RNF220: variants seen among roughly 807,000 people sequenced by gnomAD.
RNF220 encodes the protein ring finger protein 220, also known as E3 ubiquitin-protein ligase RNF220.
In RNF220, 7 loss-of-function variants were observed where a neutral mutation model predicts 67.1. The observed-to-expected ratio is 0.10, with a 90% CI of 0.06 to 0.20. The LOEUF is 0.20. Ranked by LOEUF, RNF220 falls within the 10% of genes least tolerant of loss-of-function variation. The probability of loss-of-function intolerance (pLI) is 1.00; values close to 1 mark genes in which losing one functional copy is unlikely to be tolerated. For synonymous variants in RNF220, 270 were observed against 283.2 expected, an observed-to-expected ratio of 0.95 and a Z score of 0.47; for missense variants, 565 against 740.3, an observed-to-expected ratio of 0.76 and a Z score of 2.75.
chr1:44,493,454 C>T (rs1007570042), intron 2 of RNF220, among the ~76,000 whole-genome samples: 1 of 151,904 alleles, frequency 6.6e-6, no homozygotes, highest in East Asian at 1.9e-4. Flanking sequence ...GTGGAGGTTG[C>T]GGTGAGCCAA....
At position 44,651,288 on chromosome 1, in the gene RNF220, C is replaced by T. The variant is rs1644780680; in HGVS notation, c.*513C>T. ...CGCCTCCTTCAGGGTTGGCTGGGAG[C>T]TCGGCCCATCCACCTCTTGGGGTAC... On this transcript the variant is annotated 3_prime_UTR_variant, in exon 15 of 15. Transcript: ENST00000361799. The T allele has an allele frequency of 1.1e-5, 2 of 178,566 alleles. No homozygotes were observed. The highest frequency in any genetic ancestry group is 1.1e-4 in the Admixed American group (2 of 18,640). The allele number at this position is 178,566 out of a possible 1,614,324, so 11.1% of individuals were successfully genotyped here. A position where few individuals can be genotyped will look rare whatever the true frequency, so the allele number is the denominator to read the frequency against.
intron 2 of RNF220, among the ~76,000 whole-genome samples, chr1:44,496,827 T>C (rs1039365913): frequency 2.0e-5 from 3 of 152,136 alleles, no homozygotes; most frequent in African/African-American, 4.8e-5. Flanking sequence ...GCCAGCTCAC[T>C]TGGGGATGTG....
rs532760152 is a variant in RNF220 at position 44,619,613 on chromosome 1, G to A, written c.759-3129G>A. ...CCATGAATATTGTACTTAGGAATGC[G>A]TTTCCTGGGTCCCAGTTATAATTTA... On this transcript the variant is annotated intron_variant, in intron 3 of 14. Transcript: ENST00000361799. Among the ~76,000 whole-genome samples, 31 of 152,316 alleles carry A rather than the reference G, an allele frequency of 2.0e-4. 1 individual carries two copies. The East Asian group carries it at 6.0e-3, about 29-fold the overall frequency.
At chr1:44,554,186 G>A (rs1053624073) in intron 2 of RNF220, among the ~76,000 whole-genome samples, 3 of 152,188 alleles carry the variant, frequency 2.0e-5, no homozygotes, top group African/African-American at 4.8e-5. Context: ...CCTGCCCCCA[G>A]GAATGGAGGA....
chr1:44,428,895 T>C (rs1650065001), intron 2 of RNF220, among the ~76,000 whole-genome samples: 1 of 152,120 alleles, frequency 6.6e-6, no homozygotes, highest in African/African-American at 2.4e-5. Flanking sequence ...TTGGAGGAAT[T>C]GGATACTTTC....
intron 2 of RNF220, among the ~76,000 whole-genome samples, chr1:44,525,283 G>C (rs917363320): frequency 1.3e-5 from 2 of 152,130 alleles, no homozygotes; most frequent in Non-Finnish European, 2.9e-5. Context: ...CTGAGCGAGA[G>C]GGGGGCCACC....
intron 2 of RNF220, among the ~76,000 whole-genome samples, chr1:44,506,754 C>A (rs1274853921): frequency 8.5e-5 from 13 of 152,316 alleles, no homozygotes; most frequent in Non-Finnish European, 2.9e-5. Context: ...TGAGCTTCCC[C>A]ACTGACTTGC....
At position 44,522,636 on chromosome 1, in the gene RNF220, G is replaced by A. The variant is rs116749416; in HGVS notation, c.626-91529G>A. On this transcript the variant is annotated intron_variant, in intron 2 of 14. Coordinates refer to ENST00000361799, the MANE Select transcript of RNF220 (RefSeq NM_018150.4). The stretch of plus-strand genomic sequence containing the variant: ...CAAGTAGAGACCAATCTGAGCTTCA[G>A]GTAGAAACATCCCTCCTGGGGGGGC... 1.9e-3 allele frequency among the ~76,000 whole-genome samples: 287 copies of A among 152,178 alleles called. 2 individuals are homozygous for A. Among genetic ancestry groups the A allele is most frequent in the African/African-American group, 6.6e-3 (273 of 41,516 alleles).
intron 2 of RNF220, among the ~76,000 whole-genome samples, chr1:44,459,764 T>C (rs1295010720): frequency 6.6e-6 from 1 of 152,096 alleles, no homozygotes; most frequent in Non-Finnish European, 1.5e-5. Flanking sequence ...GAAGCCTGAA[T>C]CCAAGGAAGG....
intron 2 of RNF220, among the ~76,000 whole-genome samples, chr1:44,480,539 GAAGA>G (rs1288591298): frequency 1.3e-5 from 2 of 152,176 alleles, no homozygotes; most frequent in African/African-American, 2.4e-5. Context: ...TAGAGGAAAA[GAAGA>G]AAGGAGTCTG....
chr1:44,562,298 G>A (rs928063865), intron 2 of RNF220, among the ~76,000 whole-genome samples: 5 of 152,310 alleles, frequency 3.3e-5, no homozygotes, highest in Admixed American at 2.6e-4. Context: ...GCCTTGTCCA[G>A]GGGGACCCGG....
At chr1:44,496,966 C>T (rs991937881) in intron 2 of RNF220, among the ~76,000 whole-genome samples, 1 of 152,172 alleles carries the variant, frequency 6.6e-6, no homozygotes, top group African/African-American at 2.4e-5. Flanking sequence ...ACTGTGCTGC[C>T]TGCCTCCTGC....
intron 2 of RNF220, among the ~76,000 whole-genome samples, chr1:44,435,183 C>T (rs915615473): frequency 6.6e-6 from 1 of 152,088 alleles, no homozygotes; most frequent in Non-Finnish European, 1.5e-5. Flanking sequence ...CAACGGAGTG[C>T]GACATGCTGA....
chr1:44,612,749 G>A (rs541365530), intron 2 of RNF220, among the ~76,000 whole-genome samples: 1 of 126,884 alleles, frequency 7.9e-6, no homozygotes, highest in South Asian at 2.8e-4. Flanking sequence ...GTAGTACTTG[G>A]GACATGCTTA....
intron 2 of RNF220, among the ~76,000 whole-genome samples, chr1:44,435,028 TAAAAAA>T (rs33931761): frequency 6.9e-6 from 1 of 143,920 alleles, no homozygotes. Flanking sequence ...TCCTGTCTCT[TAAAAAA>T]AAAAAAAAGA....
At chr1:44,408,810 T>G (rs578158457) in intron 1 of RNF220, 9 of 152,284 alleles carry the variant, frequency 5.9e-5, no homozygotes, top group African/African-American at 2.2e-4. Context: ...TTTGCAGCTT[T>G]CTTTGTGGCA....
chr1:44,489,257 G>C (rs930008637), intron 2 of RNF220, among the ~76,000 whole-genome samples: 1 of 152,122 alleles, frequency 6.6e-6, no homozygotes, highest in African/African-American at 2.4e-5. Context: ...GTAGGTAAGG[G>C]GCCACGTGAT....
intron 8 of RNF220, among the ~76,000 whole-genome samples, chr1:44,637,158 C>A (rs939064096): frequency 6.6e-6 from 1 of 152,220 alleles, no homozygotes; most frequent in African/African-American, 2.4e-5. Flanking sequence ...TTCGTGGGGC[C>A]GTGCTACCTG....
At chr1:44,422,856 T>C (rs543093768) in intron 2 of RNF220, among the ~76,000 whole-genome samples, 263 of 152,346 alleles carry the variant, frequency 1.7e-3, no homozygotes, top group African/African-American at 6.2e-3. Context: ...CTTAGCTGTT[T>C]GTTGGTGGCA....
Sources: allele counts gnomAD v4.1 joint callset (sites outside exome capture counted in the v4.1 genomes callset), GRCh38; gene constraint gnomAD v4.1.1; transcripts MANE v1.5; gene names NCBI Gene and HGNC (gene_info 2026-07-23, HGNC 2026-07-21).